MDM2: variants seen among roughly 807,000 people sequenced by gnomAD.
MDM2 encodes the protein E3 ubiquitin-protein ligase Mdm2.
A neutral mutation model predicts 64.3 loss-of-function variants in MDM2; 11 were observed. The ratio of observed to expected loss-of-function variants is 0.17; its 90% CI spans 0.11 to 0.28. The LOEUF (loss-of-function observed/expected upper bound fraction) is 0.28, where lower values mean the gene tolerates loss of function less well. MDM2 is among the 10% of genes least tolerant of loss of function. MDM2 has a pLI of 1.00. For missense variants in MDM2, 388 were observed against 577.1 expected, an observed-to-expected ratio of 0.67 and a Z score of 3.36; for synonymous variants, 194 against 192.9, an observed-to-expected ratio of 1.01 and a Z score of -0.05.
intron 6 of MDM2, 61 bp from the exon 7 acceptor site, chr12:68,824,494 A>G (rs893750059): frequency 1.3e-6 from 2 of 1,596,928 alleles, no homozygotes; most frequent in Non-Finnish European, 1.7e-6. Context: ...GTTATTTACA[A>G]CAAGTTAGCT....
At chr12:68,810,468 A>T (rs114128261) in intron 2 of MDM2, among the ~76,000 whole-genome samples, 6,607 of 150,910 alleles carry the variant, frequency 0.044, 475 homozygotes, top group African/African-American at 0.15. Flanking sequence ...TATTATTATT[A>T]TTATTTTTTT....
At position 68,818,716 on chromosome 12, in the gene MDM2, G is replaced by A. The variant is rs745463130; in HGVS notation, c.309-1609G>A. The stretch of plus-strand genomic sequence containing the variant: ...ATAAATTTTAAAAATAACTATATTG[G>A]TATATTGGTGATTTCTTTACCTATT... On this transcript the variant is annotated intron_variant, in intron 4 of 10. Coordinates refer to ENST00000258149, the MANE Select transcript of MDM2 (RefSeq NM_002392.6). 8.9e-4 allele frequency among the ~76,000 whole-genome samples: 135 copies of A among 150,914 alleles called. 3 individuals are homozygous for A. The highest frequency in any genetic ancestry group is 2.0e-4 in the Admixed American group (3 of 15,128).
intron 8 of MDM2, among the ~76,000 whole-genome samples, chr12:68,833,318 A>ATATAAATATATATAAATATAAAAATATAT: frequency 2.1e-5 from 2 of 96,046 alleles, no homozygotes; most frequent in African/African-American, 7.6e-5. Flanking sequence ...TAAAAATATA[A>ATATAAATATATATAAATATAAAAATATAT]TTATATAAAT....
chr12:68,834,384 G>T (rs1883140264), intron 8 of MDM2, among the ~76,000 whole-genome samples: 1 of 152,008 alleles, frequency 6.6e-6, no homozygotes. Context: ...GGAGGTTGCA[G>T]TGAGCTGAGA....
chr12:68,819,824 G>T (rs1881700916), intron 4 of MDM2, among the ~76,000 whole-genome samples: 1 of 152,218 alleles, frequency 6.6e-6, no homozygotes, highest in South Asian at 2.1e-4. Context: ...ATCAAGAAAG[G>T]AAGTTGAAGC....
At chr12:68,821,298 G>A (rs1397919161) in intron 5 of MDM2, among the ~76,000 whole-genome samples, 5 of 151,848 alleles carry the variant, frequency 3.3e-5, no homozygotes, top group Admixed American at 3.3e-4. Flanking sequence ...TGCCTGCCTC[G>A]GCCTTCCAAA....
Position 68,808,322 on chromosome 12 carries a change from C to A in MDM2, c.-156C>A. On this transcript the variant is annotated 5_prime_UTR_variant, in exon 1 of 11. Transcript: ENST00000258149. ...ATCCTGCTGCTTTCGCAGCCAGGAG[C>A]ACCGTCCCTCCCCGGATTAGTGCGT... 1.1e-6 allele frequency: 1 copy of A among 930,392 alleles called. No homozygotes were observed. The highest frequency in any genetic ancestry group is 1.7e-6 in the Non-Finnish European group (1 of 600,880). 57.6% of individuals were successfully genotyped at this position (930,392 alleles called of 1,614,324 possible). A position where few individuals can be genotyped will look rare whatever the true frequency, so the allele number is the denominator to read the frequency against.
At chr12:68,833,795 G>A (rs992459044) in intron 8 of MDM2, among the ~76,000 whole-genome samples, 2 of 152,100 alleles carry the variant, frequency 1.3e-5, no homozygotes, top group African/African-American at 4.8e-5. Context: ...CGTAGAGTAT[G>A]TTTTCTGAGA....
intron 2 of MDM2, among the ~76,000 whole-genome samples, chr12:68,812,373 A>ACC: frequency 6.6e-6 from 1 of 152,342 alleles, no homozygotes; most frequent in East Asian, 1.9e-4. Flanking sequence ...TAGACAGAGG[A>ACC]CCGGGGCATA....
intron 8 of MDM2, among the ~76,000 whole-genome samples, chr12:68,832,430 G>A (rs1194094002): frequency 6.6e-6 from 1 of 151,956 alleles, no homozygotes; most frequent in African/African-American, 2.4e-5. Flanking sequence ...TGTCACAATT[G>A]GAATTCAAAC....
chr12:68,839,972 T>C lies in MDM2; in HGVS notation c.*123T>C, dbSNP rs1883622391. Reference sequence around the variant, plus strand: ...CCTCAATTCACATAGATTTCTTCTCTTTAGTATAATTGACCTACTTTGGTA... The same window carrying C: ...CCTCAATTCACATAGATTTCTTCTCCTTAGTATAATTGACCTACTTTGGTA... On this transcript the variant is annotated 3_prime_UTR_variant, in exon 11 of 11. Coordinates refer to ENST00000258149, the MANE Select transcript of MDM2 (RefSeq NM_002392.6). 2.3e-6 allele frequency: 2 copies of C among 871,624 alleles called. No homozygotes were observed. Among genetic ancestry groups the C allele is most frequent in the Admixed American group, 6.0e-5 (2 of 33,570 alleles). 54.0% of individuals were successfully genotyped at this position (871,624 alleles called of 1,614,324 possible).
At chr12:68,820,415 C>T (rs768252027) in intron 5 of MDM2, 41 bp downstream of exon 5, 11 of 1,477,348 alleles carry the variant, frequency 7.4e-6, no homozygotes, top group East Asian at 4.6e-5. Context: ...ACCATAAAAA[C>T]GTTTTAAAGA....
rs552864495 is a variant in MDM2, at chr12:68,841,667, C to T, written c.*1818C>T. On this transcript the variant is annotated 3_prime_UTR_variant, in exon 11 of 11. Transcript: ENST00000258149. ...TTCTTGGCCTGGGTTACATGGTTCC[C>T]AGCCTAGGTTTCAGACTTTTGCTTA... 86 of 209,472 alleles carry T rather than the reference C, an allele frequency of 4.1e-4. No homozygotes were observed. Among genetic ancestry groups the T allele is most frequent in the African/African-American group, 1.8e-3 (80 of 44,034 alleles). The allele number at this position is 209,472 out of a possible 1,614,324, so 13.0% of individuals were successfully genotyped here.
intron 5 of MDM2, among the ~76,000 whole-genome samples, chr12:68,822,055 A>G (rs547991505): frequency 4.5e-4 from 69 of 152,114 alleles, no homozygotes; most frequent in African/African-American, 1.3e-3. Flanking sequence ...CGGTGTTGCT[A>G]TGTTGCCCAG....
At chr12:68,849,626 C>G (rs547984862), downstream of MDM2, 1 of 151,556 alleles carries the variant, frequency 6.6e-6, no homozygotes, top group South Asian at 2.1e-4. Flanking sequence ...GCCTTGAACT[C>G]CTGACCTTGT....
rs903034662 is a variant in MDM2 at position 68,843,042 on chromosome 12, A to G, written c.*3193A>G. ...CAAGCTTTATTTTTCGAGCCTAGCA[A>G]TGATCTAGAAGCAGATGTTATCTCA... On this transcript the variant is annotated 3_prime_UTR_variant, in exon 11 of 11. Transcript: ENST00000258149. The G allele has an allele frequency of 4.6e-6, 1 of 217,352 alleles. No individual in the cohort carries two copies. The highest frequency in any genetic ancestry group is 9.2e-6 in the Non-Finnish European group (1 of 108,136). The allele number at this position is 217,352 out of a possible 1,614,324, so 13.5% of individuals were successfully genotyped here.
intron 7 of MDM2, among the ~76,000 whole-genome samples, chr12:68,824,927 G>GTGGCTCACGCC (rs531139532): frequency 6.6e-5 from 10 of 152,176 alleles, no homozygotes; most frequent in Non-Finnish European, 8.8e-5. Context: ...CTGGGGTGTG[G>GTGGCTCACGCC]TGGCTCACGC....
At position 68,840,939 on chromosome 12, in the gene MDM2, G is replaced by A. The variant is rs1045885091; in HGVS notation, c.*1090G>A. 1 of 155,956 alleles carries A rather than the reference G, an allele frequency of 6.4e-6. No individual in the cohort carries two copies. 9.7% of individuals were successfully genotyped at this position (155,956 alleles called of 1,614,324 possible). ...GGCTCACTGCAACTTCCGCCTTCTG[G>A]GTTCAAGCTATTCTCCTGCCTCAGC... On this transcript the variant is annotated 3_prime_UTR_variant, in exon 11 of 11. Coordinates refer to ENST00000258149, the MANE Select transcript of MDM2 (RefSeq NM_002392.6).
chr12:68,832,562 G>A (rs917688578), intron 8 of MDM2, among the ~76,000 whole-genome samples: 1 of 152,050 alleles, frequency 6.6e-6, no homozygotes, highest in Admixed American at 6.5e-5. Flanking sequence ...GCCCAGGCGG[G>A]AGTGCAGCGC....
Sources: allele counts gnomAD v4.1 joint callset (sites outside exome capture counted in the v4.1 genomes callset), GRCh38; gene constraint gnomAD v4.1.1; transcripts MANE v1.5; gene names NCBI Gene and HGNC (gene_info 2026-07-23, HGNC 2026-07-21).